The following GSDME variants were observed in gnomAD, a reference collection of about 807,000 sequenced individuals.
The protein encoded by GSDME is gasdermin-E.
In GSDME, 44 loss-of-function variants were observed where a neutral mutation model predicts 47.5. The ratio of observed to expected loss-of-function variants is 0.93; its 90% CI spans 0.73 to 1.19. The LOEUF (loss-of-function observed/expected upper bound fraction) is 1.19. Ranked by LOEUF, GSDME falls within the 50% of genes most tolerant of loss-of-function variation. The pLI, the probability that GSDME is intolerant of heterozygous loss-of-function variation, is 0.00. For synonymous variants in GSDME, 258 were observed against 252.8 expected, an observed-to-expected ratio of 1.02 and a Z score of -0.20; for missense variants, 663 against 604.2, an observed-to-expected ratio of 1.10 and a Z score of -1.02.
rs995813760 is a variant in GSDME at position 24,702,700 on chromosome 7, A to G, written c.1257+60T>C. ...GTGTTTTACCGGCTGCTGGATGTCT[A>G]CCCCCTCATCATTTCCCCATTCCTA... On this transcript the variant is annotated intron_variant, in intron 9 of 9. Transcript: ENST00000645220. 6 of 1,412,814 alleles carry G rather than the reference A, an allele frequency of 4.2e-6. No individual in the cohort carries two copies. The African/African-American group carries it at 5.6e-5, about 13-fold the overall frequency. The allele number at this position is 1,412,814 out of a possible 1,614,324, so 87.5% of individuals were successfully genotyped here. A position where few individuals can be genotyped will look rare whatever the true frequency, so the allele number is the denominator to read the frequency against.
rs1172057294 is a variant in GSDME at position 24,725,467 on chromosome 7, C to G, written c.405-6249G>C. On this transcript the variant is annotated intron_variant, in intron 3 of 9. Transcript: ENST00000645220. This position sits in a 1 kb window ranked among gnomAD's most constrained non-coding sequence, Gnocchi z 5.1. Reference sequence around the variant, plus strand: ...AAAACTCCTCAGATACCAAGTTAAACAAGGAAGGGGTTTATTCGGCCGGGA... The same window carrying G: ...AAAACTCCTCAGATACCAAGTTAAAGAAGGAAGGGGTTTATTCGGCCGGGA... Among the ~76,000 whole-genome samples, 1 of 152,128 alleles carries G rather than the reference C, an allele frequency of 6.6e-6. No homozygotes were observed. Among genetic ancestry groups the G allele is most frequent in the African/African-American group, 2.4e-5 (1 of 41,408 alleles).
In GSDME at chr7:24,757,129, G is replaced by T. The variant is rs1791050675; in HGVS notation, c.-20+267C>A. ...GACGGGGAGAGGATGGGAAGGGGATGCTGACTGCGAGTTGGGGCGGGACGC... is the reference window on the plus strand; with the variant it reads ...GACGGGGAGAGGATGGGAAGGGGATTCTGACTGCGAGTTGGGGCGGGACGC... On this transcript the variant is annotated intron_variant, in intron 1 of 9. Transcript: ENST00000645220. This position sits in a 1 kb window ranked among gnomAD's most constrained non-coding sequence, Gnocchi z 5.9. Among the ~76,000 whole-genome samples the T allele has an allele frequency of 6.6e-6, 1 of 152,210 alleles. No homozygotes were observed. Among genetic ancestry groups the T allele is most frequent in the African/African-American group, 2.4e-5 (1 of 41,460 alleles).
At chr7:24,717,106 G>C in intron 5 of GSDME, 148 bp downstream of exon 5, 1 of 891,552 alleles carries the variant, frequency 1.1e-6, no homozygotes, top group South Asian at 1.5e-5. Context: ...CAGGGACCAT[G>C]TCTTGGGACA....
the GSDME span, among the ~76,000 whole-genome samples, chr7:24,793,385 T>G: frequency 2.0e-5 from 3 of 152,232 alleles, no homozygotes; most frequent in African/African-American, 7.2e-5. Flanking sequence ...CAGAATTTTC[T>G]TTACAGTTAA....
At chr7:24,752,690 T>C (rs1360368886) in intron 1 of GSDME, among the ~76,000 whole-genome samples, 1 of 152,194 alleles carries the variant, frequency 6.6e-6, no homozygotes, top group South Asian at 2.1e-4. Context: ...CCTGAGGGCC[T>C]GTGAGAACTC....
rs1288021744 is a variant in GSDME, at chr7:24,744,197, C to T, written c.404+365G>A. The stretch of plus-strand genomic sequence containing the variant: ...TCACTTGCTTTCTTCTTTTTTTCAT[C>T]AGAAAATTATAGAGCCAGAGGGGGG... On this transcript the variant is annotated intron_variant, in intron 3 of 9. Coordinates refer to ENST00000645220, the MANE Select transcript of GSDME (RefSeq NM_001127453.2). The surrounding 1 kb of genome is among the most constrained non-coding windows in gnomAD (Gnocchi z 4.5). 2 of 227,568 alleles carry T rather than the reference C, an allele frequency of 8.8e-6. No individual in the cohort carries two copies. The highest frequency in any genetic ancestry group is 1.7e-5 in the Non-Finnish European group (2 of 114,716). The allele number at this position is 227,568 out of a possible 1,614,324, so 14.1% of individuals were successfully genotyped here.
In GSDME at chr7:24,744,410, G is replaced by C; in HGVS notation, c.404+152C>G. Reference sequence around the variant, plus strand: ...GTCAAGCAATTCCAGACTAAAGAATGTGCTCCTCATGAAATTTCAACACAA... The same window carrying C: ...GTCAAGCAATTCCAGACTAAAGAATCTGCTCCTCATGAAATTTCAACACAA... On this transcript the variant is annotated intron_variant, in intron 3 of 9. Transcript: ENST00000645220. The surrounding 1 kb of genome is among the most constrained non-coding windows in gnomAD (Gnocchi z 4.5). 2 of 862,494 alleles carry C rather than the reference G, an allele frequency of 2.3e-6. No individual in the cohort carries two copies. The allele number at this position is 862,494 out of a possible 1,614,324, so 53.4% of individuals were successfully genotyped here. A position where few individuals can be genotyped will look rare whatever the true frequency, so the allele number is the denominator to read the frequency against.
At chr7:24,755,125 C>A (rs1790974531) in intron 1 of GSDME, among the ~76,000 whole-genome samples, 1 of 152,244 alleles carries the variant, frequency 6.6e-6, no homozygotes, top group African/African-American at 2.4e-5. Context: ...TATCAGGGAA[C>A]TGGCCTGGAA....
intron 5 of GSDME, among the ~76,000 whole-genome samples, chr7:24,710,776 T>C (rs1320037232): frequency 1.3e-5 from 2 of 152,240 alleles, no homozygotes; most frequent in African/African-American, 2.4e-5. Flanking sequence ...TTTAAAAGTA[T>C]TGCCAGTATA....
At chr7:24,709,528 T>C (rs1789261473) in intron 6 of GSDME, among the ~76,000 whole-genome samples, 1 of 152,232 alleles carries the variant, frequency 6.6e-6, no homozygotes, top group Admixed American at 6.5e-5. Context: ...CCAGGGCTTC[T>C]GTGCTTACCC....
At chr7:24,790,592 G>A in the GSDME span, among the ~76,000 whole-genome samples, 56 of 152,194 alleles carry the variant, frequency 3.7e-4, no homozygotes, top group Non-Finnish European at 1.0e-4. This position sits in a 1 kb window ranked among gnomAD's most constrained non-coding sequence, Gnocchi z 4.1. Flanking sequence ...TCCAGTCCCG[G>A]TGGGACTCCA....
At chr7:24,763,294 T>G in the GSDME span, among the ~76,000 whole-genome samples, 1 of 152,108 alleles carries the variant, frequency 6.6e-6, no homozygotes. The surrounding 1 kb of genome is among the most constrained non-coding windows in gnomAD (Gnocchi z 4.3). Flanking sequence ...TACAATTTTT[T>G]TCTTTCCATA....
chr7:24,770,173 C>T, the GSDME span, among the ~76,000 whole-genome samples: 37 of 152,292 alleles, frequency 2.4e-4, no homozygotes, highest in Non-Finnish European at 4.4e-4. This position sits in a 1 kb window ranked among gnomAD's most constrained non-coding sequence, Gnocchi z 4.6. Flanking sequence ...CAATGGCTGA[C>T]GATTTAATCA....
chr7:24,738,301 A>C (rs575336105), intron 3 of GSDME, among the ~76,000 whole-genome samples: 1 of 152,206 alleles, frequency 6.6e-6, no homozygotes, highest in East Asian at 1.9e-4. Context: ...ATCAACATAC[A>C]AAAATCAGTA....
At position 24,757,175 on chromosome 7, in the gene GSDME, C is replaced by T. The variant is rs1214471335; in HGVS notation, c.-20+221G>A. Among the ~76,000 whole-genome samples, 2 of 152,144 alleles carry T rather than the reference C, an allele frequency of 1.3e-5. No homozygotes were observed. Among genetic ancestry groups the T allele is most frequent in the Non-Finnish European group, 2.9e-5 (2 of 68,004 alleles). On this transcript the variant is annotated intron_variant, in intron 1 of 9. Coordinates refer to ENST00000645220, the MANE Select transcript of GSDME (RefSeq NM_001127453.2). This position sits in a 1 kb window ranked among gnomAD's most constrained non-coding sequence, Gnocchi z 5.9. ...GACGCGGTGATGGGAGGGGACCGGG[C>T]CGGGAATGCGGGAGGCGAGGGGAGC...
the GSDME span, among the ~76,000 whole-genome samples, chr7:24,791,166 T>C: frequency 6.6e-6 from 1 of 151,510 alleles, no homozygotes; most frequent in Admixed American, 6.6e-5. The surrounding 1 kb of genome is among the most constrained non-coding windows in gnomAD (Gnocchi z 4.8). Context: ...ACTGTGGGAG[T>C]GGTCAAGACC....
chr7:24,795,119 C>G, the GSDME span, among the ~76,000 whole-genome samples: 1 of 152,172 alleles, frequency 6.6e-6, no homozygotes, highest in African/African-American at 2.4e-5. Context: ...CTCCAAGCGC[C>G]GATTCCTTCC....
chr7:24,784,952 A>C, the GSDME span, among the ~76,000 whole-genome samples: 4 of 151,956 alleles, frequency 2.6e-5, no homozygotes, highest in Admixed American at 6.6e-5. Flanking sequence ...CTCAAATGTT[A>C]ATCTCCTCTG....
At position 24,703,033 on chromosome 7, in the gene GSDME, A is replaced by G. The variant is rs372300348; in HGVS notation, c.1184-200T>C. 8.0e-5 allele frequency: 42 copies of G among 521,826 alleles called. No individual in the cohort carries two copies. The East Asian group carries it at 8.7e-4, about 11-fold the overall frequency. The allele number at this position is 521,826 out of a possible 1,614,324, so 32.3% of individuals were successfully genotyped here. On this transcript the variant is annotated intron_variant, in intron 8 of 9. Transcript: ENST00000645220. ...TTGTAGAAAACAGATGTAGGAACCC[A>G]GCTGCCAGCTCTGCATTCCACAGAG...
Sources: gnomAD v4.1 joint callset for allele counts (sites outside exome capture counted in the v4.1 genomes callset) on GRCh38, gnomAD v4.1.1 for gene constraint, Gnocchi (gnomAD v3.1) non-coding constraint, MANE v1.5 for transcripts, NCBI Gene and HGNC (gene_info 2026-07-23, HGNC 2026-07-21) for gene names.